Variants in ADGRB3 observed in about 807,000 individuals in gnomAD.
ADGRB3 encodes the protein brain-specific angiogenesis inhibitor 3.
A neutral mutation model predicts 193.4 loss-of-function variants in ADGRB3; 37 were observed. That is an observed-to-expected ratio of 0.19 (90% confidence interval 0.15 to 0.25). The LOEUF (loss-of-function observed/expected upper bound fraction) is 0.25. Ranked by LOEUF, ADGRB3 falls within the 10% of genes least tolerant of loss-of-function variation. The pLI is 1.00. For synonymous variants in ADGRB3, 690 were observed against 644.2 expected, an observed-to-expected ratio of 1.07 and a Z score of -1.08; for missense variants, 1,637 against 1,852.9, an observed-to-expected ratio of 0.88 and a Z score of 2.14.
chr6:68,960,624 G>T (rs920008403), intron 8 of ADGRB3, among the ~76,000 whole-genome samples: 2 of 149,830 alleles, frequency 1.3e-5, no homozygotes, highest in Admixed American at 1.3e-4. Context: ...TGGTCTCTAA[G>T]TAATTGTCTT....
At chr6:68,758,458 CAA>C (rs1766337710) in intron 3 of ADGRB3, among the ~76,000 whole-genome samples, 1 of 152,132 alleles carries the variant, frequency 6.6e-6, no homozygotes, top group African/African-American at 2.4e-5. Flanking sequence ...ACAGTATCGA[CAA>C]AGTTTCATTG....
intron 17 of ADGRB3, among the ~76,000 whole-genome samples, chr6:69,080,826 CAT>C: frequency 6.6e-6 from 1 of 152,058 alleles, no homozygotes; most frequent in Admixed American, 6.5e-5. Context: ...CTGTTTAGTA[CAT>C]GTTAACATGT....
chr6:69,230,189 T>C (rs1451978644), intron 17 of ADGRB3, among the ~76,000 whole-genome samples: 1 of 152,242 alleles, frequency 6.6e-6, no homozygotes, highest in Non-Finnish European at 1.5e-5. Flanking sequence ...TGTACATGCC[T>C]GCATCATCAT....
chr6:68,840,139 C>T lies in ADGRB3; in HGVS notation c.758-90420C>T, dbSNP rs544460157. Among the ~76,000 whole-genome samples the T allele has an allele frequency of 7.2e-5, 11 of 152,252 alleles. No homozygotes were observed. The South Asian group carries it at 1.9e-3, about 26-fold the overall frequency. Reference sequence around the variant, plus strand: ...TGAAAGGCATTCTAGGCCACAAAGACTGCAACTCCTAAGCAATTCCTAGAG... The same window carrying T: ...TGAAAGGCATTCTAGGCCACAAAGATTGCAACTCCTAAGCAATTCCTAGAG... On this transcript the variant is annotated intron_variant, in intron 3 of 31. Transcript: ENST00000370598.
intron 17 of ADGRB3, among the ~76,000 whole-genome samples, chr6:69,121,781 G>T (rs930815572): frequency 6.7e-6 from 1 of 150,266 alleles, no homozygotes; most frequent in Non-Finnish European, 1.5e-5. Context: ...CCAAGACGGG[G>T]TGGCGGCCGG....
intron 15 of ADGRB3, among the ~76,000 whole-genome samples, chr6:69,061,351 G>A (rs890137664): frequency 2.6e-5 from 4 of 151,334 alleles, no homozygotes; most frequent in Non-Finnish European, 5.9e-5. Flanking sequence ...ATGAAATCTT[G>A]TGCCAAAAAC....
At chr6:68,991,904 A>G (rs1769249754) in intron 10 of ADGRB3, among the ~76,000 whole-genome samples, 1 of 152,168 alleles carries the variant, frequency 6.6e-6, no homozygotes, top group South Asian at 2.1e-4. Flanking sequence ...ATAAATAATA[A>G]GCTGCAAAGT....
intron 3 of ADGRB3, among the ~76,000 whole-genome samples, chr6:68,901,809 A>C (rs1261867714): frequency 6.6e-6 from 1 of 152,210 alleles, no homozygotes; most frequent in African/African-American, 2.4e-5. Flanking sequence ...AACAATGAAT[A>C]CTAGTAGGGA....
At chr6:68,684,369 A>G (rs1263889983) in intron 3 of ADGRB3, among the ~76,000 whole-genome samples, 1 of 152,144 alleles carries the variant, frequency 6.6e-6, no homozygotes, top group Non-Finnish European at 1.5e-5. Context: ...GCATTGTTAC[A>G]GTTTAAACTA....
intron 16 of ADGRB3, among the ~76,000 whole-genome samples, chr6:69,070,673 A>T (rs1772053025): frequency 6.6e-6 from 1 of 152,228 alleles, no homozygotes; most frequent in Admixed American, 6.5e-5. Context: ...GCAGATTTCT[A>T]GGTTTAGCCT....
chr6:68,700,129 A>G (rs1765217891), intron 3 of ADGRB3, among the ~76,000 whole-genome samples: 1 of 152,196 alleles, frequency 6.6e-6, no homozygotes, highest in South Asian at 2.1e-4. Context: ...AAATTTTGAT[A>G]CTTATACAAA....
intron 26 of ADGRB3, among the ~76,000 whole-genome samples, chr6:69,353,663 C>T (rs917196216): frequency 5.3e-5 from 8 of 152,216 alleles, no homozygotes; most frequent in Non-Finnish European, 8.8e-5. Context: ...CCAGATATAG[C>T]TATTTTGATA....
chr6:69,114,763 C>T (rs749246684), intron 17 of ADGRB3, among the ~76,000 whole-genome samples: 3 of 152,212 alleles, frequency 2.0e-5, no homozygotes, highest in Non-Finnish European at 2.9e-5. Context: ...TTTATTAAAT[C>T]GGGAATCCTT....
chr6:69,166,067 AT>A (rs1456695864), intron 17 of ADGRB3, among the ~76,000 whole-genome samples: 3 of 152,104 alleles, frequency 2.0e-5, no homozygotes, highest in African/African-American at 7.2e-5. Context: ...ATTTTACAAT[AT>A]ATTATCACTA....
chr6:68,860,358 A>G (rs561028623), intron 3 of ADGRB3, among the ~76,000 whole-genome samples: 6 of 152,314 alleles, frequency 3.9e-5, no homozygotes, highest in South Asian at 2.1e-4. Flanking sequence ...ATTGTACCCA[A>G]TAGTTGATTT....
At chr6:69,384,207 A>T (rs1320088826) in intron 31 of ADGRB3, among the ~76,000 whole-genome samples, 2 of 151,980 alleles carry the variant, frequency 1.3e-5, no homozygotes, top group East Asian at 3.9e-4. Context: ...CTAACTCTTA[A>T]TTGGTCTCTT....
At chr6:68,710,470 C>G (rs1216563182) in intron 3 of ADGRB3, among the ~76,000 whole-genome samples, 1 of 152,092 alleles carries the variant, frequency 6.6e-6, no homozygotes, top group South Asian at 2.1e-4. Flanking sequence ...TTGGGTTTAT[C>G]TGGTCTCTCT....
chr6:69,219,495 G>GTATATATATATATATATATA (rs1765847811), intron 17 of ADGRB3, among the ~76,000 whole-genome samples: 1 of 83,514 alleles, frequency 1.2e-5, no homozygotes, highest in Non-Finnish European at 2.8e-5. Context: ...ATATATATAC[G>GTATATATATATATATATATA]TGTGTGTGTA....
At chr6:69,287,060 A>G (rs1200675768) in intron 20 of ADGRB3, among the ~76,000 whole-genome samples, 1 of 152,240 alleles carries the variant, frequency 6.6e-6, no homozygotes, top group Non-Finnish European at 1.5e-5. Context: ...CTATATTCAC[A>G]TCATATAATG....
Sources: gnomAD v4.1 joint callset for allele counts (sites outside exome capture counted in the v4.1 genomes callset) on GRCh38, gnomAD v4.1.1 for gene constraint, MANE v1.5 for transcripts, NCBI Gene and HGNC (gene_info 2026-07-23, HGNC 2026-07-21) for gene names.